Variants in INPP5D observed in about 807,000 individuals in gnomAD.
INPP5D encodes the protein phosphatidylinositol 3,4,5-trisphosphate 5-phosphatase 1.
A neutral mutation model predicts 122.9 loss-of-function variants in INPP5D; 33 were observed. The observed-to-expected ratio is 0.27, with a 90% CI of 0.20 to 0.36. INPP5D has a LOEUF of 0.36. INPP5D is among the 10% of genes least tolerant of loss of function. The pLI is 1.00. For synonymous variants in INPP5D, 584 were observed against 576.2 expected (o/e 1.01, Z -0.19); for missense variants, 1,053 against 1,412.7 (o/e 0.75, Z 4.08).
chr2:233,063,652 G>A (rs1691133792), intron 1 of INPP5D, among the ~76,000 whole-genome samples: 1 of 152,246 alleles, frequency 6.6e-6, no homozygotes, highest in African/African-American at 2.4e-5. Context: ...GGGCAGGAAA[G>A]CTTTGATCTC....
intron 25 of INPP5D, 149 bp from the exon 26 acceptor site, chr2:233,203,977 C>T: frequency 1.5e-6 from 2 of 1,300,660 alleles, no homozygotes; most frequent in Non-Finnish European, 2.0e-6. Flanking sequence ...CAATTTGGTG[C>T]CATTCAGTAA....
In INPP5D at chr2:233,204,374, G is replaced by A. The variant is rs759195359; in HGVS notation, c.3224G>A (p.Gly1075Asp). ...GAGGCTGATCGCGGCGAGGGGCCCG[G>A]CAAGCAGGTGCCCGCGCCCCGGCTG... ...AQEADRGEGP[G>D]KQVPAPRLRS... The change falls in exon 26 of 27, where the codon GGC becomes GAC. Residue 1075 changes from glycine (G) to aspartate (D), a missense_variant. Gly to Asp is a moderately conservative substitution (Grantham distance 94). Transcript: ENST00000445964. 2.5e-6 allele frequency: 4 copies of A among 1,610,174 alleles called. No individual in the cohort carries two copies. The highest frequency in any genetic ancestry group is 1.1e-5 in the South Asian group (1 of 90,906).
rs895314198 is a variant in INPP5D, at chr2:233,082,708, CTT to C, written c.198+3313_198+3314del. On this transcript the variant is annotated intron_variant, in intron 2 of 26. Coordinates refer to ENST00000445964, the MANE Select transcript of INPP5D (RefSeq NM_001017915.3). The surrounding 1 kb of genome is among the most constrained non-coding windows in gnomAD (Gnocchi z 4.7). Reference sequence around the variant, plus strand: ...GAGGAGCTGCCTCACCTGGGGGACTCTTTTCTCTCACTCCATCTTTCACAGAC... The same window carrying C: ...GAGGAGCTGCCTCACCTGGGGGACTCTTCTCTCACTCCATCTTTCACAGAC... 6.6e-6 allele frequency among the ~76,000 whole-genome samples: 1 copy of C among 152,196 alleles called. No homozygotes were observed. Among genetic ancestry groups the C allele is most frequent in the East Asian group, 1.9e-4 (1 of 5,196 alleles).
intron 11 of INPP5D, 78 bp from the exon 12 acceptor site, chr2:233,163,629 G>T: frequency 6.2e-7 from 1 of 1,600,750 alleles, no homozygotes; most frequent in African/African-American, 1.3e-5. Context: ...TCACACTCCC[G>T]CCCTCTGTTT....
intron 13 of INPP5D, among the ~76,000 whole-genome samples, chr2:233,166,609 TCCCCTCCTC>T (rs1559329822): frequency 1.3e-5 from 2 of 150,842 alleles, no homozygotes; most frequent in Admixed American, 6.7e-5. Flanking sequence ...TTCCCCTCCT[TCCCCTCCTC>T]TCTGCCCTGG....
intron 25 of INPP5D, among the ~76,000 whole-genome samples, chr2:233,199,127 G>A (rs918502785): frequency 4.6e-5 from 7 of 152,028 alleles, no homozygotes; most frequent in African/African-American, 1.7e-4. Flanking sequence ...GCTCACACCT[G>A]TAATCCTAGC....
At chr2:233,074,429 C>T (rs1691461937) in intron 1 of INPP5D, among the ~76,000 whole-genome samples, 2 of 152,180 alleles carry the variant, frequency 1.3e-5, no homozygotes, top group Non-Finnish European at 2.9e-5. Context: ...CCAGCTGAGC[C>T]ACCTGTTAAT....
chr2:233,161,582 A>C (rs571657761), intron 10 of INPP5D, 142 bp from the exon 11 acceptor site: 2 of 1,193,038 alleles, frequency 1.7e-6, no homozygotes, highest in Admixed American at 6.1e-5. Flanking sequence ...GACTTTGGAC[A>C]CATGTTTCCA....
At position 233,177,961 on chromosome 2, in the gene INPP5D, G is replaced by T. The variant is rs1188491068; in HGVS notation, c.2071+615G>T. Among the ~76,000 whole-genome samples the T allele has an allele frequency of 6.6e-6, 1 of 152,216 alleles. No homozygotes were observed. The highest frequency in any genetic ancestry group is 1.5e-5 in the Non-Finnish European group (1 of 68,046). On this transcript the variant is annotated intron_variant, in intron 18 of 26. Transcript: ENST00000445964. The surrounding 1 kb of genome is among the most constrained non-coding windows in gnomAD (Gnocchi z 4.2). The stretch of plus-strand genomic sequence containing the variant: ...CATATGAAAGTGTTTTTGTAGGTCA[G>T]AAATAGTTATTGGAAATTCATATGG...
At chr2:233,151,908 A>G (rs1169640833) in intron 9 of INPP5D, among the ~76,000 whole-genome samples, 2 of 152,262 alleles carry the variant, frequency 1.3e-5, no homozygotes, top group African/African-American at 2.4e-5. Context: ...TGAAGGCAAG[A>G]ATGAATGAAT....
At chr2:233,192,841 T>C (rs943610442) in intron 22 of INPP5D, among the ~76,000 whole-genome samples, 7 of 152,236 alleles carry the variant, frequency 4.6e-5, no homozygotes, top group Non-Finnish European at 8.8e-5. Context: ...ACCAAACTGA[T>C]TGCCATAAAG....
At chr2:233,192,169 T>C (rs1189298106) in intron 22 of INPP5D, among the ~76,000 whole-genome samples, 1 of 152,190 alleles carries the variant, frequency 6.6e-6, no homozygotes, top group African/African-American at 2.4e-5. Context: ...TCGTCACGGA[T>C]GCAAGAGCAT....
At position 233,207,853 on chromosome 2, in the gene INPP5D, A is replaced by C. The variant is rs566028997; in HGVS notation, c.*1145A>C. On this transcript the variant is annotated 3_prime_UTR_variant, in exon 27 of 27. Coordinates refer to ENST00000445964, the MANE Select transcript of INPP5D (RefSeq NM_001017915.3). This position sits in a 1 kb window ranked among gnomAD's most constrained non-coding sequence, Gnocchi z 4.6. ...GAATGCAGAAGGGAATGCACCCCACATTCCCATGATGGAAGTCTGCGTAAC... is the reference window on the plus strand; with the variant it reads ...GAATGCAGAAGGGAATGCACCCCACCTTCCCATGATGGAAGTCTGCGTAAC... 6.6e-5 allele frequency: 10 copies of C among 152,482 alleles called. No homozygotes were observed. In the East Asian group the frequency reaches 1.9e-3, roughly 29 times the overall value. 9.4% of individuals were successfully genotyped at this position (152,482 alleles called of 1,614,324 possible). A position where few individuals can be genotyped will look rare whatever the true frequency, so the allele number is the denominator to read the frequency against.
intron 5 of INPP5D, among the ~76,000 whole-genome samples, chr2:233,134,501 G>A (rs1320142217): frequency 6.6e-6 from 1 of 152,160 alleles, no homozygotes; most frequent in Non-Finnish European, 1.5e-5. Flanking sequence ...GCACTGAGGA[G>A]TAAGGAGAAG....
Position 233,163,692 on chromosome 2 carries a change from G to C in INPP5D, c.1241-15G>C, listed in dbSNP as rs1379397647. The stretch of plus-strand genomic sequence containing the variant: ...GTGCCTTTGACTCACTTGGTGTTGG[G>C]TTTTGCTGTTGAAGGTAACGCCCCC... On this transcript the variant is annotated splice_polypyrimidine_tract_variant and intron_variant, in intron 11 of 26. Transcript: ENST00000445964. 5.6e-6 allele frequency: 9 copies of C among 1,613,582 alleles called. No homozygotes were observed. Among genetic ancestry groups the C allele is most frequent in the Non-Finnish European group, 7.6e-6 (9 of 1,179,774 alleles).
intron 1 of INPP5D, 52 bp downstream of exon 1, chr2:233,060,664 A>AG (rs1559266142): frequency 6.2e-7 from 1 of 1,603,412 alleles, no homozygotes; most frequent in African/African-American, 1.3e-5. Flanking sequence ...AGGGGCTTAG[A>AG]GGGGGCCCAG....
In INPP5D at chr2:233,172,815, C is replaced by T. The variant is rs184360658; in HGVS notation, c.1989+1663C>T. Among the ~76,000 whole-genome samples, 101 of 152,248 alleles carry T rather than the reference C, an allele frequency of 6.6e-4. 2 individuals carry two copies. The South Asian group carries it at 0.018, about 27-fold the overall frequency. On this transcript the variant is annotated intron_variant, in intron 17 of 26. Coordinates refer to ENST00000445964, the MANE Select transcript of INPP5D (RefSeq NM_001017915.3). ...GCCTATTGATCCTAGGCTACAAACCCGTATAGCATGTTACTTTACTGAATA... is the reference window on the plus strand; with the variant it reads ...GCCTATTGATCCTAGGCTACAAACCTGTATAGCATGTTACTTTACTGAATA...
At chr2:233,144,746 T>A (rs1399338798) in intron 6 of INPP5D, among the ~76,000 whole-genome samples, 6 of 148,032 alleles carry the variant, frequency 4.1e-5, no homozygotes, top group African/African-American at 1.5e-4. Context: ...GTGGGAGTGA[T>A]AGGGGTGGAG....
Position 233,146,149 on chromosome 2 carries a change from C to T in INPP5D, c.754-13C>T, listed in dbSNP as rs1693752998. The stretch of plus-strand genomic sequence containing the variant: ...AGTGATGCTGCCCTGATCCTCTTTC[C>T]CTCCTCTCCCAGGTTCCTGGTGAGG... On this transcript the variant is annotated splice_polypyrimidine_tract_variant and intron_variant, in intron 6 of 26. Transcript: ENST00000445964. The T allele has an allele frequency of 2.8e-6, 2 of 704,152 alleles. No individual in the cohort carries two copies. The highest frequency in any genetic ancestry group is 2.7e-5 in the East Asian group (1 of 37,422). 43.6% of individuals were successfully genotyped at this position (704,152 alleles called of 1,614,324 possible).
Sources: allele counts gnomAD v4.1 joint callset (sites outside exome capture counted in the v4.1 genomes callset), GRCh38; gene constraint gnomAD v4.1.1; non-coding constraint Gnocchi (gnomAD v3.1); transcripts MANE v1.5; gene names NCBI Gene and HGNC (gene_info 2026-07-23, HGNC 2026-07-21).